The following ADGRV1 variants were observed in gnomAD, a reference collection of about 807,000 sequenced individuals.
The protein encoded by ADGRV1 is G-protein coupled receptor 98.
ADGRV1 carries 359 observed loss-of-function variants against 596.2 expected under a neutral mutation model. That is an observed-to-expected ratio of 0.60 (90% CI 0.55 to 0.66). ADGRV1 has a LOEUF of 0.66. Ranked by LOEUF, ADGRV1 falls within the 30% of genes least tolerant of loss-of-function variation. ADGRV1 has a pLI of 0.00. For synonymous variants in ADGRV1, 2,681 were observed against 2,679.2 expected, an observed-to-expected ratio of 1.00 and a Z score of -0.02; for missense variants, 7,274 against 7,575.6, an observed-to-expected ratio of 0.96 and a Z score of 1.48.
At chr5:90,695,540 A>G (rs1437488670) in intron 33 of ADGRV1, among the ~76,000 whole-genome samples, 1 of 152,136 alleles carries the variant, frequency 6.6e-6, no homozygotes, top group Non-Finnish European at 1.5e-5. Flanking sequence ...ACCTCAAAAT[A>G]TACAACAAAA....
intron 87 of ADGRV1, among the ~76,000 whole-genome samples, chr5:91,140,997 A>G (rs1228332138): frequency 6.6e-6 from 1 of 152,200 alleles, no homozygotes; most frequent in Non-Finnish European, 1.5e-5. Flanking sequence ...ACTTATGGGT[A>G]TTTACCACTA....
intron 87 of ADGRV1, among the ~76,000 whole-genome samples, chr5:91,147,627 C>G (rs1382333816): frequency 6.6e-6 from 1 of 152,144 alleles, no homozygotes; most frequent in Non-Finnish European, 1.5e-5. Context: ...TGAGGCCTCC[C>G]CAGCTGTGTG....
chr5:90,611,099 C>T (rs542074533), intron 1 of ADGRV1, among the ~76,000 whole-genome samples: 4 of 151,718 alleles, frequency 2.6e-5, no homozygotes, highest in South Asian at 2.1e-4. Context: ...TTTGTGTTCT[C>T]GGTGATTGAT....
chr5:91,156,670 TC>T (rs1378111776), intron 89 of ADGRV1, among the ~76,000 whole-genome samples: 1 of 152,212 alleles, frequency 6.6e-6, no homozygotes. Flanking sequence ...TTTGTAGAGT[TC>T]CCTGAACTCA....
intron 78 of ADGRV1, among the ~76,000 whole-genome samples, chr5:90,841,636 TAAAAA>T (rs558500786): frequency 6.6e-6 from 1 of 150,638 alleles, no homozygotes; most frequent in Non-Finnish European, 1.5e-5. Flanking sequence ...AGTTATTACT[TAAAAA>T]AAAAGCCTCC....
intron 52 of ADGRV1, 122 bp downstream of exon 52, chr5:90,745,917 C>G (rs1195082157): frequency 1.6e-6 from 1 of 618,754 alleles, no homozygotes; most frequent in African/African-American, 1.8e-5. Context: ...TCTCCCTTCC[C>G]TTTCCCCTGC....
At chr5:90,859,289 G>A (rs1199858713) in intron 82 of ADGRV1, among the ~76,000 whole-genome samples, 1 of 152,098 alleles carries the variant, frequency 6.6e-6, no homozygotes, top group African/African-American at 2.4e-5. Flanking sequence ...CATACAGTAG[G>A]TTTTAATAGA....
intron 25 of ADGRV1, among the ~76,000 whole-genome samples, chr5:90,677,571 G>A (rs1195173908): frequency 6.6e-6 from 1 of 152,176 alleles, no homozygotes; most frequent in Non-Finnish European, 1.5e-5. Context: ...GAAAATGTTA[G>A]TGACCATGAG....
chr5:91,007,281 T>C (rs1782356048), intron 85 of ADGRV1, among the ~76,000 whole-genome samples: 1 of 152,202 alleles, frequency 6.6e-6, no homozygotes, highest in South Asian at 2.1e-4. Flanking sequence ...TCTGGTTCAT[T>C]ACAAGAAAGA....
Position 90,650,289 on chromosome 5 carries a change from T to A in ADGRV1, c.3290-1315T>A, listed in dbSNP as rs1315588197. ...TAGTTCATCTTGCAGAGAAACAGAATGAATTTTCAGCACCACTGGGACATG... is the reference window on the plus strand; with the variant it reads ...TAGTTCATCTTGCAGAGAAACAGAAAGAATTTTCAGCACCACTGGGACATG... On this transcript the variant is annotated intron_variant, in intron 17 of 89. Coordinates refer to ENST00000405460, the MANE Select transcript of ADGRV1 (RefSeq NM_032119.4). Among the ~76,000 whole-genome samples the A allele has an allele frequency of 2.0e-5, 3 of 152,238 alleles. No individual in the cohort carries two copies. The East Asian group carries it at 5.8e-4, about 29-fold the overall frequency.
chr5:90,834,899 T>C (rs563009716), intron 77 of ADGRV1, among the ~76,000 whole-genome samples: 32 of 151,358 alleles, frequency 2.1e-4, no homozygotes, highest in African/African-American at 6.8e-4. Context: ...TCTTTCTTTC[T>C]CTTTCTTTTT....
At chr5:90,911,072 C>T (rs145825984) in intron 83 of ADGRV1, among the ~76,000 whole-genome samples, 3 of 152,188 alleles carry the variant, frequency 2.0e-5, no homozygotes, top group Non-Finnish European at 4.4e-5. Flanking sequence ...GCGAGTAATT[C>T]GTGTGTTTTC....
At position 90,558,803 on chromosome 5, in the gene ADGRV1, A is replaced by G. The variant is rs1754390092; in HGVS notation, c.-93A>G. ...CTCCTCCTGATCCTGTAGTGGTAGT[A>G]AGAATCAGCAGCGCGGGCAAGGAGT... On this transcript the variant is annotated 5_prime_UTR_variant, in exon 1 of 90. Coordinates refer to ENST00000405460, the MANE Select transcript of ADGRV1 (RefSeq NM_032119.4). 7.9e-7 allele frequency: 1 copy of G among 1,272,232 alleles called. No individual in the cohort carries two copies. Among genetic ancestry groups the G allele is most frequent in the Non-Finnish European group, 1.1e-6 (1 of 892,626 alleles). The allele number at this position is 1,272,232 out of a possible 1,614,324, so 78.8% of individuals were successfully genotyped here. A position where few individuals can be genotyped will look rare whatever the true frequency, so the allele number is the denominator to read the frequency against.
At chr5:91,089,175 T>C (rs1790168769) in intron 86 of ADGRV1, among the ~76,000 whole-genome samples, 1 of 152,182 alleles carries the variant, frequency 6.6e-6, no homozygotes, top group Non-Finnish European at 1.5e-5. Context: ...GGTCAGTCGT[T>C]GTTGTACATG....
chr5:90,586,411 A>T (rs1481129226), intron 1 of ADGRV1, among the ~76,000 whole-genome samples: 5 of 152,246 alleles, frequency 3.3e-5, no homozygotes, highest in African/African-American at 1.2e-4. Context: ...TAATTAAAAT[A>T]TAACTAAGTT....
intron 83 of ADGRV1, among the ~76,000 whole-genome samples, chr5:90,880,140 T>C (rs1406918061): frequency 6.6e-6 from 1 of 152,126 alleles, no homozygotes; most frequent in Non-Finnish European, 1.5e-5. Flanking sequence ...GTGCTATCAG[T>C]AGACATTGCC....
At chr5:90,783,388 A>G (rs2150103410) in intron 66 of ADGRV1, 63 bp downstream of exon 66, 2 of 1,119,060 alleles carry the variant, frequency 1.8e-6, no homozygotes, top group East Asian at 2.5e-5. Flanking sequence ...AAACTCTTAC[A>G]TATGTTTTGC....
intron 83 of ADGRV1, among the ~76,000 whole-genome samples, chr5:90,900,422 A>G (rs558108605): frequency 6.6e-6 from 1 of 151,116 alleles, no homozygotes; most frequent in Non-Finnish European, 1.5e-5. Flanking sequence ...ATCTACTTGT[A>G]CTTGTATGAG....
At chr5:91,018,503 G>T (rs778079463) in intron 85 of ADGRV1, among the ~76,000 whole-genome samples, 9 of 151,928 alleles carry the variant, frequency 5.9e-5, no homozygotes, top group Admixed American at 1.3e-4. Flanking sequence ...AGTAGTGTTT[G>T]CTTTGGGTTC....
Sources: allele counts gnomAD v4.1 joint callset (sites outside exome capture counted in the v4.1 genomes callset), GRCh38; gene constraint gnomAD v4.1.1; transcripts MANE v1.5; gene names NCBI Gene and HGNC (gene_info 2026-07-23, HGNC 2026-07-21).